Variants in AHI1 observed in about 807,000 individuals in gnomAD.
AHI1 encodes jouberin.
A neutral mutation model predicts 149.3 loss-of-function variants in AHI1; 123 were observed. That is an observed-to-expected ratio of 0.82 (90% CI 0.71 to 0.96). The LOEUF (loss-of-function observed/expected upper bound fraction) is 0.96, where lower values mean the gene tolerates loss of function less well. Ranked by LOEUF, AHI1 falls within the 40% of genes least tolerant of loss-of-function variation. The pLI, the probability that AHI1 is intolerant of heterozygous loss-of-function variation, is 0.00. For missense variants in AHI1, 1,439 were observed against 1,422.7 expected (o/e 1.01, Z -0.18); for synonymous variants, 475 against 459.8 (o/e 1.03, Z -0.42).
chr6:135,337,593 C>G (rs1210073534), intron 24 of AHI1, among the ~76,000 whole-genome samples: 1 of 151,426 alleles, frequency 6.6e-6, no homozygotes, highest in African/African-American at 2.4e-5. Flanking sequence ...ACCCCTATCT[C>G]TACAAAAAAA....
intron 27 of AHI1, among the ~76,000 whole-genome samples, chr6:135,293,429 AAAAG>A (rs1378022445): frequency 7.6e-5 from 10 of 131,918 alleles, no homozygotes; most frequent in South Asian, 2.2e-4. Flanking sequence ...AAAAAAGAAA[AAAAG>A]AAAGAAAGAA....
At chr6:135,427,972 T>C (rs1359688998) in intron 19 of AHI1, among the ~76,000 whole-genome samples, 2 of 151,244 alleles carry the variant, frequency 1.3e-5, no homozygotes, top group African/African-American at 4.8e-5. Flanking sequence ...GTTACCTGAC[T>C]AGTCAAAATG....
chr6:135,378,258 C>T (rs1776232362), intron 23 of AHI1, among the ~76,000 whole-genome samples: 1 of 152,026 alleles, frequency 6.6e-6, no homozygotes, highest in Non-Finnish European at 1.5e-5. Context: ...ATTATTTATT[C>T]CCAAATATTA....
intron 22 of AHI1, among the ~76,000 whole-genome samples, chr6:135,399,306 C>T (rs915474934): frequency 2.0e-5 from 3 of 152,196 alleles, no homozygotes; most frequent in East Asian, 1.9e-4. Context: ...CCTCTGATTC[C>T]GTTACTTCCT....
chr6:135,409,235 T>C (rs1172862697), intron 21 of AHI1, among the ~76,000 whole-genome samples: 1 of 152,178 alleles, frequency 6.6e-6, no homozygotes, highest in Non-Finnish European at 1.5e-5. Context: ...TATGTGTGTG[T>C]TTGTATGTTT....
chr6:135,492,385 C>T, intron 3 of AHI1, 94 bp from the exon 4 acceptor site: 1 of 1,386,300 alleles, frequency 7.2e-7, no homozygotes, highest in Non-Finnish European at 9.4e-7. Context: ...TGTATGTCCA[C>T]TACTTCATTA....
chr6:135,386,787 T>C (rs568742224), intron 23 of AHI1, among the ~76,000 whole-genome samples: 1 of 151,714 alleles, frequency 6.6e-6, no homozygotes, highest in Non-Finnish European at 1.5e-5. Context: ...CCCACCACCA[T>C]GCCTGGCTAA....
chr6:135,380,954 T>G (rs952597749), intron 23 of AHI1, among the ~76,000 whole-genome samples: 3 of 152,088 alleles, frequency 2.0e-5, no homozygotes, highest in Admixed American at 6.6e-5. Context: ...GATTTTCATA[T>G]CCAAAGCAAA....
intron 5 of AHI1, among the ~76,000 whole-genome samples, chr6:135,481,934 CT>C (rs906768619): frequency 2.0e-5 from 3 of 151,156 alleles, no homozygotes; most frequent in Non-Finnish European, 4.4e-5. Flanking sequence ...AGAATAGTTT[CT>C]GATGAGAAGT....
intron 27 of AHI1, among the ~76,000 whole-genome samples, chr6:135,291,641 T>C (rs1047449245): frequency 6.6e-5 from 10 of 152,188 alleles, no homozygotes; most frequent in African/African-American, 2.2e-4. Context: ...TGTGGTATTC[T>C]CTGTGGCACC....
At chr6:135,308,179 T>C (rs1018743890) in intron 26 of AHI1, among the ~76,000 whole-genome samples, 2 of 152,198 alleles carry the variant, frequency 1.3e-5, no homozygotes, top group Admixed American at 1.3e-4. Context: ...ATAACATCTT[T>C]CACATTTTAG....
intron 4 of AHI1, 31 bp downstream of exon 4, chr6:135,492,197 A>T: frequency 6.8e-7 from 1 of 1,473,114 alleles, no homozygotes; most frequent in East Asian, 2.5e-5. Flanking sequence ...TAAAATATAA[A>T]TTTTATACAT....
At chr6:135,468,244 A>G (rs1791112832) in intron 5 of AHI1, among the ~76,000 whole-genome samples, 1 of 152,156 alleles carries the variant, frequency 6.6e-6, no homozygotes, top group Non-Finnish European at 1.5e-5. Flanking sequence ...TTATATTCAC[A>G]TGTTCTGTTT....
intron 26 of AHI1, among the ~76,000 whole-genome samples, chr6:135,311,392 A>G (rs1289649476): frequency 1.3e-5 from 2 of 152,040 alleles, no homozygotes; most frequent in Non-Finnish European, 2.9e-5. Context: ...TAAACATAAA[A>G]AATAGACAAA....
chr6:135,361,442 G>A (rs1387721723), intron 23 of AHI1, among the ~76,000 whole-genome samples: 3 of 152,010 alleles, frequency 2.0e-5, no homozygotes, highest in Non-Finnish European at 2.9e-5. Flanking sequence ...CTTTAGTAGG[G>A]ATTCATTTAC....
intron 20 of AHI1, among the ~76,000 whole-genome samples, chr6:135,423,471 G>A (rs1399810420): frequency 6.6e-6 from 1 of 152,070 alleles, no homozygotes. Context: ...CCTGAACTCT[G>A]GTAAAGTGTG....
chr6:135,467,082 C>T (rs1790886127), intron 6 of AHI1, among the ~76,000 whole-genome samples: 1 of 152,180 alleles, frequency 6.6e-6, no homozygotes. Context: ...TTTCCCACCT[C>T]CATTTGTGTT....
rs143401221 is a variant in AHI1, at chr6:135,293,405, AG to A, written c.3486-2881del. Among the ~76,000 whole-genome samples, 655 of 98,826 alleles carry A rather than the reference AG, an allele frequency of 6.6e-3. 8 individuals carry two copies. The highest frequency in any genetic ancestry group is 0.063 in the African/African-American group (587 of 9,372). The allele number at this position is 98,826 out of a possible 152,430, so 64.8% of individuals were successfully genotyped here. On this transcript the variant is annotated intron_variant, in intron 27 of 28. Coordinates refer to ENST00000265602, the MANE Select transcript of AHI1 (RefSeq NM_001134831.2). ...GTGTTAACAGGGCAAAAAAAAAAAA[AG>A]AAAAAAAAAAAAAAAAAAGAAAAAA... is the stretch of plus-strand genomic sequence containing the variant.
chr6:135,335,191 G>A (rs1274476390), intron 24 of AHI1, among the ~76,000 whole-genome samples: 2 of 152,010 alleles, frequency 1.3e-5, no homozygotes, highest in Non-Finnish European at 2.9e-5. Context: ...ACACTGAAAT[G>A]CTCACTAGCT....
Sources: gnomAD v4.1 joint callset for allele counts (sites outside exome capture counted in the v4.1 genomes callset) on GRCh38, gnomAD v4.1.1 for gene constraint, MANE v1.5 for transcripts, NCBI Gene and HGNC (gene_info 2026-07-23, HGNC 2026-07-21) for gene names.